The following RSPO3 variants were observed in gnomAD, a reference collection of about 807,000 sequenced individuals.
RSPO3 encodes R-spondin-3.
Under a neutral mutation model 36.5 loss-of-function variants are expected in RSPO3, and 17 were observed. That is an observed-to-expected ratio of 0.47 (90% CI 0.32 to 0.70). RSPO3 has a LOEUF of 0.70. Among genes scored for constraint, RSPO3 ranks in the 30% least tolerant of loss-of-function variants. The pLI is 0.04. For missense variants in RSPO3, 294 were observed against 322.5 expected, an observed-to-expected ratio of 0.91 and a Z score of 0.68; for synonymous variants, 108 against 107.0, an observed-to-expected ratio of 1.01 and a Z score of -0.06.
Position 127,155,891 on chromosome 6 carries a change from T to TATAC in RSPO3, c.634+454_634+455insTACA, listed in dbSNP as rs1554221214. Among the ~76,000 whole-genome samples the TATAC allele has an allele frequency of 2.9e-4, 43 of 150,742 alleles. No homozygotes were observed. The East Asian group carries it at 3.7e-3, about 13-fold the overall frequency. Reference sequence around the variant, plus strand: ...GTAGCTAAGTGTATATATATATATATACACACACACACACATATATATAAA... The same window carrying TATAC: ...GTAGCTAAGTGTATATATATATATATATACACACACACACACACATATATATAAA... On this transcript the variant is annotated intron_variant, in intron 4 of 4. Transcript: ENST00000356698.
At position 127,128,310 on chromosome 6, in the gene RSPO3, G is replaced by A. The variant is rs113095721; in HGVS notation, c.97+9021G>A. 8.1e-3 allele frequency among the ~76,000 whole-genome samples: 1,228 copies of A among 151,900 alleles called. 14 individuals are homozygous for A. The highest frequency in any genetic ancestry group is 0.028 in the African/African-American group (1,156 of 41,476). ...ATGGGTCTTGGTACAATAATTTTCC[G>A]CCCTGAGGTCACATTAGAATTTCCT... On this transcript the variant is annotated intron_variant, in intron 1 of 4. Transcript: ENST00000356698.
At chr6:127,147,199 C>A (rs1368803098) in intron 1 of RSPO3, among the ~76,000 whole-genome samples, 2 of 152,124 alleles carry the variant, frequency 1.3e-5, no homozygotes, top group African/African-American at 4.8e-5. Flanking sequence ...TGCTGGTCAA[C>A]CGAATGACCT....
Position 127,183,693 on chromosome 6 carries a change from G to C in RSPO3, c.635-12130G>C, listed in dbSNP as rs184613575. On this transcript the variant is annotated intron_variant, in intron 4 of 4. Coordinates refer to ENST00000356698, the MANE Select transcript of RSPO3 (RefSeq NM_032784.5). ...GAGAAAGGAGCTACCACAGCCTTTA[G>C]AGCAATAGTAGCAGTGCTTACTAAT... Among the ~76,000 whole-genome samples, 5 of 152,114 alleles carry C rather than the reference G, an allele frequency of 3.3e-5. No homozygotes were observed. The East Asian group carries it at 9.7e-4, about 29-fold the overall frequency.
At position 127,195,997 on chromosome 6, in the gene RSPO3, C is replaced by G. The variant is rs751154866; in HGVS notation, c.809C>G (p.Thr270Ser). ...QDKQKSVSVS[T>S]VH is the part of the protein sequence containing the mutation. The stretch of plus-strand genomic sequence containing the variant: ...AAACAGAAATCGGTATCAGTCAGCA[C>G]TGTACACTAGAGGGTTCCATGAGAT... Residue 270 changes from threonine to serine, a missense_variant, in exon 5 of 5, where the codon ACT becomes AGT. Around this residue, in one of 3 missense-constraint regions of RSPO3, gnomAD observed 190 missense variants for 185.2 expected, o/e 1.03. Transcript: ENST00000356698. The G allele has an allele frequency of 8.1e-6, 13 of 1,610,188 alleles. No homozygotes were observed. In the East Asian group the frequency reaches 2.5e-4, roughly 30 times the overall value.
intron 4 of RSPO3, among the ~76,000 whole-genome samples, chr6:127,170,955 C>CT (rs1194759257): frequency 6.6e-6 from 1 of 151,654 alleles, no homozygotes. Flanking sequence ...AAGATGGATG[C>CT]TGGTGATGGC....
intron 1 of RSPO3, among the ~76,000 whole-genome samples, chr6:127,144,585 A>G (rs916791859): frequency 1.3e-5 from 2 of 149,692 alleles, no homozygotes; most frequent in Non-Finnish European, 3.0e-5. Context: ...CTCTTACCAA[A>G]TGTCCCCTAT....
chr6:127,168,150 T>C (rs1774859580), intron 4 of RSPO3, among the ~76,000 whole-genome samples: 1 of 152,184 alleles, frequency 6.6e-6, no homozygotes, highest in African/African-American at 2.4e-5. Flanking sequence ...ATGGTATTTC[T>C]AGTTCTAGAT....
chr6:127,143,560 T>C (rs1774321776), intron 1 of RSPO3, among the ~76,000 whole-genome samples: 1 of 152,204 alleles, frequency 6.6e-6, no homozygotes, highest in Non-Finnish European at 1.5e-5. Flanking sequence ...TATAAAATCA[T>C]TATTACTTTT....
chr6:127,161,701 C>G (rs1774714001), intron 4 of RSPO3, among the ~76,000 whole-genome samples: 1 of 151,952 alleles, frequency 6.6e-6, no homozygotes, highest in Non-Finnish European at 1.5e-5. Flanking sequence ...AATAAATGAC[C>G]CTTGAAAATG....
At chr6:127,123,384 TAC>T (rs1258841830) in intron 1 of RSPO3, among the ~76,000 whole-genome samples, 1 of 152,158 alleles carries the variant, frequency 6.6e-6, no homozygotes, top group African/African-American at 2.4e-5. Flanking sequence ...GTTTTAAAGA[TAC>T]AGACACGAAT....
intron 1 of RSPO3, among the ~76,000 whole-genome samples, chr6:127,140,148 A>G (rs1324383021): frequency 6.6e-6 from 1 of 152,224 alleles, no homozygotes; most frequent in Non-Finnish European, 1.5e-5. Flanking sequence ...GAAATATTAA[A>G]TTAGAAGTAA....
At chr6:127,180,886 A>C (rs1462329621) in intron 4 of RSPO3, among the ~76,000 whole-genome samples, 1 of 151,886 alleles carries the variant, frequency 6.6e-6, no homozygotes, top group Admixed American at 6.6e-5. Flanking sequence ...TAATGAGAAT[A>C]GTAGGAATTA....
chr6:127,188,022 T>C (rs1204020246), intron 4 of RSPO3, among the ~76,000 whole-genome samples: 1 of 152,142 alleles, frequency 6.6e-6, no homozygotes, highest in Non-Finnish European at 1.5e-5. Context: ...GTGCCTTTAA[T>C]AGTTTCTTTT....
At chr6:127,164,015 A>G (rs1774763353) in intron 4 of RSPO3, among the ~76,000 whole-genome samples, 1 of 152,058 alleles carries the variant, frequency 6.6e-6, no homozygotes, top group Non-Finnish European at 1.5e-5. Context: ...CCTCTGCTGC[A>G]GAGTCTTTCT....
At chr6:127,120,016 A>G (rs1773809704) in intron 1 of RSPO3, 1 of 152,312 alleles carries the variant, frequency 6.6e-6, no homozygotes, top group Non-Finnish European at 1.5e-5. Context: ...CGTCTGTACC[A>G]TCTCTGGCCC....
chr6:127,148,975 T>C lies in RSPO3; in HGVS notation c.289+136T>C, dbSNP rs994734524. ...ATCTGATAATTAGGCTAAACCATAC[T>C]TGGACTTAACCCTCAGAACCAGAAA... On this transcript the variant is annotated intron_variant, in intron 2 of 4. Coordinates refer to ENST00000356698, the MANE Select transcript of RSPO3 (RefSeq NM_032784.5). 9.5e-6 allele frequency: 7 copies of C among 735,504 alleles called. No individual in the cohort carries two copies. In the Admixed American group the frequency reaches 1.9e-4, roughly 20 times the overall value. 45.6% of individuals were successfully genotyped at this position (735,504 alleles called of 1,614,324 possible).
intron 4 of RSPO3, 82 bp from the exon 5 acceptor site, chr6:127,195,741 A>T: frequency 2.1e-6 from 2 of 949,244 alleles, no homozygotes; most frequent in East Asian, 5.4e-5. Flanking sequence ...ATCTAAGAGA[A>T]ATTTAAGTCA....
intron 4 of RSPO3, among the ~76,000 whole-genome samples, chr6:127,186,463 C>A (rs1019588944): frequency 6.6e-6 from 1 of 151,996 alleles, no homozygotes; most frequent in Admixed American, 6.6e-5. Flanking sequence ...GCTGTGGTTC[C>A]TGATTTTCTG....
At chr6:127,142,595 T>C (rs991796844) in intron 1 of RSPO3, among the ~76,000 whole-genome samples, 5 of 152,172 alleles carry the variant, frequency 3.3e-5, no homozygotes, top group African/African-American at 4.8e-5. Context: ...ATTACTGAAG[T>C]AAATGACACA....
Sources: allele counts gnomAD v4.1 joint callset (sites outside exome capture counted in the v4.1 genomes callset), GRCh38; gene constraint gnomAD v4.1.1; regional missense constraint gnomAD v4.1.1; transcripts MANE v1.5; gene names NCBI Gene and HGNC (gene_info 2026-07-23, HGNC 2026-07-21).